RERG: variants seen among roughly 807,000 people sequenced by gnomAD.
RERG encodes RAS like estrogen regulated growth inhibitor, also known as ras-related and estrogen-regulated growth inhibitor.
A neutral mutation model predicts 23.2 loss-of-function variants in RERG; 25 were observed. That is an observed-to-expected ratio of 1.08 (90% confidence interval 0.79 to 1.50). The LOEUF (loss-of-function observed/expected upper bound fraction) is 1.50. Ranked by LOEUF, RERG falls within the 40% of genes most tolerant of loss-of-function variation. The probability of loss-of-function intolerance (pLI) is 0.00; values close to 1 mark genes in which losing one functional copy is unlikely to be tolerated. For synonymous variants in RERG, 81 were observed against 89.1 expected, an observed-to-expected ratio of 0.91 and a Z score of 0.51; for missense variants, 253 against 250.1, an observed-to-expected ratio of 1.01 and a Z score of -0.08.
At chr12:15,205,197 T>A (rs1347821341) in intron 2 of RERG, among the ~76,000 whole-genome samples, 1 of 151,982 alleles carries the variant, frequency 6.6e-6, no homozygotes, top group Non-Finnish European at 1.5e-5. Context: ...GAAAACACTA[T>A]GGTCCCTGAG....
chr12:15,170,347 G>A (rs1235176841), intron 2 of RERG, among the ~76,000 whole-genome samples: 1 of 152,038 alleles, frequency 6.6e-6, no homozygotes, highest in Non-Finnish European at 1.5e-5. Context: ...TGTGTGTAGG[G>A]GGAAGGGAGT....
intron 2 of RERG, among the ~76,000 whole-genome samples, chr12:15,199,676 G>GAC (rs143405412): frequency 7.4e-4 from 113 of 151,732 alleles, no homozygotes; most frequent in Middle Eastern, 3.4e-3. Flanking sequence ...TATAGATACA[G>GAC]ACACACACAC....
chr12:15,115,174 TATA>T (rs1246087480), intron 3 of RERG, among the ~76,000 whole-genome samples: 18 of 152,010 alleles, frequency 1.2e-4, no homozygotes, highest in African/African-American at 3.9e-4. Context: ...TAAGTAAATA[TATA>T]ATAATAGCTA....
At chr12:15,203,367 G>A (rs1865243190) in intron 2 of RERG, among the ~76,000 whole-genome samples, 1 of 151,446 alleles carries the variant, frequency 6.6e-6, no homozygotes, top group Admixed American at 6.6e-5. Flanking sequence ...TGTGCTTCTG[G>A]TGGCAAATTC....
rs1416272781 is a variant in RERG, at chr12:15,203,081, T to A, written c.61+14348A>T. 2.0e-5 allele frequency among the ~76,000 whole-genome samples: 3 copies of A among 151,750 alleles called. No homozygotes were observed. In the East Asian group the frequency reaches 5.8e-4, roughly 29 times the overall value. On this transcript the variant is annotated intron_variant, in intron 2 of 4. Coordinates refer to ENST00000256953, the MANE Select transcript of RERG (RefSeq NM_032918.3). ...ATGACTAGTGATGTTGAGCACCTTT[T>A]CAAATACCTGCTGGCCATATCTATG... is the stretch of plus-strand genomic sequence containing the variant.
intron 2 of RERG, among the ~76,000 whole-genome samples, chr12:15,214,856 A>C (rs547916803): frequency 7.9e-5 from 12 of 152,128 alleles, no homozygotes; most frequent in Non-Finnish European, 1.3e-4. Flanking sequence ...CTTAAAATAA[A>C]ATTGGTAGAT....
chr12:15,166,218 A>C (rs895952343), intron 2 of RERG, among the ~76,000 whole-genome samples: 2 of 152,214 alleles, frequency 1.3e-5, no homozygotes, highest in African/African-American at 4.8e-5. Flanking sequence ...AGTAGCAAGG[A>C]GGCCTAGAGA....
intron 2 of RERG, among the ~76,000 whole-genome samples, chr12:15,166,530 T>G (rs1335243915): frequency 6.6e-6 from 1 of 151,236 alleles, no homozygotes; most frequent in African/African-American, 2.4e-5. Flanking sequence ...GTGATGGTGG[T>G]GGTGGTGGTG....
At position 15,135,014 on chromosome 12, in the gene RERG, C is replaced by T. The variant is rs1396654228; in HGVS notation, c.62-13895G>A. 2.0e-5 allele frequency among the ~76,000 whole-genome samples: 3 copies of T among 152,178 alleles called. No individual in the cohort carries two copies. The East Asian group carries it at 5.8e-4, about 29-fold the overall frequency. ...TGTAGACCAAATTGGGAAGAACTGA[C>T]ATCTTGACAATACTGATTCTTTCTA... On this transcript the variant is annotated intron_variant, in intron 2 of 4. Transcript: ENST00000256953.
At chr12:15,206,062 T>C (rs1385206529) in intron 2 of RERG, among the ~76,000 whole-genome samples, 1 of 152,072 alleles carries the variant, frequency 6.6e-6, no homozygotes, top group Non-Finnish European at 1.5e-5. Context: ...AACAGGGTCA[T>C]AGACTATATA....
At chr12:15,201,370 T>C (rs1166527309) in intron 2 of RERG, among the ~76,000 whole-genome samples, 4 of 151,798 alleles carry the variant, frequency 2.6e-5, no homozygotes, top group Non-Finnish European at 5.9e-5. Flanking sequence ...ATCCCATCAC[T>C]GCCTGTAAGA....
intron 2 of RERG, among the ~76,000 whole-genome samples, chr12:15,125,860 C>T (rs1863927839): frequency 6.6e-6 from 1 of 151,680 alleles, no homozygotes; most frequent in Non-Finnish European, 1.5e-5. Flanking sequence ...AATATTTACA[C>T]ATGTATCTTT....
intron 2 of RERG, among the ~76,000 whole-genome samples, chr12:15,182,525 T>G (rs1480741229): frequency 1.3e-5 from 2 of 152,118 alleles, no homozygotes; most frequent in Non-Finnish European, 2.9e-5. Context: ...AGATATAATA[T>G]CACATTATAA....
intron 2 of RERG, among the ~76,000 whole-genome samples, chr12:15,203,798 A>G: frequency 6.6e-6 from 1 of 151,686 alleles, no homozygotes; most frequent in East Asian, 1.9e-4. Context: ...ATAAATTAAG[A>G]AACAATCCTA....
rs34755371 is a variant in RERG, at chr12:15,139,014, CTT to C, written c.62-17897_62-17896del. Among the ~76,000 whole-genome samples the C allele has an allele frequency of 7.5e-3, 383 of 51,048 alleles. 1 individual carries two copies. Among genetic ancestry groups the C allele is most frequent in the African/African-American group, 0.026 (364 of 13,780 alleles). 33.5% of individuals were successfully genotyped at this position (51,048 alleles called of 152,430 possible). On this transcript the variant is annotated intron_variant, in intron 2 of 4. Coordinates refer to ENST00000256953, the MANE Select transcript of RERG (RefSeq NM_032918.3). ...TGAAAGTTGTTCACCTGTGTCTAGA[CTT>C]TTTTTTTTTTTTTTTTTTTTGCCTG...
intron 2 of RERG, among the ~76,000 whole-genome samples, chr12:15,174,475 A>AGTGTGTGTGT (rs35380924): frequency 1.1e-3 from 157 of 147,994 alleles, no homozygotes; most frequent in African/African-American, 3.6e-3. Flanking sequence ...GAGTTTGTTG[A>AGTGTGTGTGT]GTGTGTGTGT....
intron 2 of RERG, among the ~76,000 whole-genome samples, chr12:15,202,281 T>C (rs1031744823): frequency 2.0e-5 from 3 of 151,750 alleles, no homozygotes; most frequent in Non-Finnish European, 3.0e-5. Context: ...CTATTTTATA[T>C]GTCTGTGTGT....
chr12:15,178,503 T>C (rs1864882421), intron 2 of RERG, among the ~76,000 whole-genome samples: 9 of 152,214 alleles, frequency 5.9e-5, no homozygotes. Flanking sequence ...TTATTTTATT[T>C]GGTGAGAGAA....
chr12:15,188,658 G>T (rs1230973168), intron 2 of RERG, among the ~76,000 whole-genome samples: 1 of 152,138 alleles, frequency 6.6e-6, no homozygotes, highest in Non-Finnish European at 1.5e-5. Context: ...GCACATAACA[G>T]GTGGACATGA....
Sources: allele counts gnomAD v4.1 joint callset (sites outside exome capture counted in the v4.1 genomes callset), GRCh38; gene constraint gnomAD v4.1.1; transcripts MANE v1.5; gene names NCBI Gene and HGNC (gene_info 2026-07-23, HGNC 2026-07-21).